RPRD2: variants seen among roughly 807,000 people sequenced by gnomAD.
RPRD2 encodes the protein regulation of nuclear pre-mRNA domain containing 2.
In RPRD2, 12 loss-of-function variants were observed where a neutral mutation model predicts 104.4. The observed-to-expected ratio is 0.11, with a 90% CI of 0.07 to 0.19. RPRD2 has a LOEUF of 0.19. Ranked by LOEUF, RPRD2 falls within the 10% of genes least tolerant of loss-of-function variation. The pLI, the probability that RPRD2 is intolerant of heterozygous loss-of-function variation, is 1.00. For missense variants in RPRD2, 1,543 were observed against 1,790.1 expected, an observed-to-expected ratio of 0.86 and a Z score of 2.49; for synonymous variants, 714 against 684.9, an observed-to-expected ratio of 1.04 and a Z score of -0.66.
rs182042526 is a variant in RPRD2, at chr1:150,364,581, T to C, written c.-134T>C. ...CGTACCTCCAGAAGAGCCCAGCGCG[T>C]GCACCATCCCCACCCCCTAGCTTCC... On this transcript the variant is annotated 5_prime_UTR_variant, in exon 1 of 11. Coordinates refer to ENST00000369068, the MANE Select transcript of RPRD2 (RefSeq NM_015203.5). The C allele has an allele frequency of 3.3e-6, 2 of 603,062 alleles. No homozygotes were observed. The highest frequency in any genetic ancestry group is 3.7e-5 in the African/African-American group (2 of 53,452). 37.4% of individuals were successfully genotyped at this position (603,062 alleles called of 1,614,324 possible).
At chr1:150,447,583 C>T (rs587683892) in intron 7 of RPRD2, among the ~76,000 whole-genome samples, 2 of 152,230 alleles carry the variant, frequency 1.3e-5, no homozygotes, top group African/African-American at 4.8e-5. Flanking sequence ...ATCCGCCCAC[C>T]TCGGCCTCCC....
chr1:150,445,999 C>T (rs1017965028), intron 6 of RPRD2, among the ~76,000 whole-genome samples: 2 of 148,202 alleles, frequency 1.3e-5, no homozygotes, highest in African/African-American at 2.5e-5. Flanking sequence ...ACCCGGGAAG[C>T]GGAGCTTGCA....
Position 150,470,694 on chromosome 1 carries a change from C to G in RPRD2, c.1746C>G (p.Ala582=). The change falls in exon 11 of 11, where the codon GCC becomes GCG. Residue 582 remains alanine, a synonymous_variant. Coordinates refer to ENST00000369068, the MANE Select transcript of RPRD2 (RefSeq NM_015203.5). ...AGGGAAGAAATCTGCCCTCCAGTGC[C>G]CAACCTTTTATTCCCAAAAGCTTCA... ...TIKGRNLPSS[A]QPFIPKSFNY... 6.2e-7 allele frequency: 1 copy of G among 1,614,056 alleles called. No homozygotes were observed. Among genetic ancestry groups the G allele is most frequent in the East Asian group, 2.2e-5 (1 of 44,888 alleles).
chr1:150,365,751 G>A (rs587713328), intron 1 of RPRD2, among the ~76,000 whole-genome samples: 1 of 152,030 alleles, frequency 6.6e-6, no homozygotes, highest in South Asian at 2.1e-4. Context: ...CACCATGTCC[G>A]GCTAATTATT....
chr1:150,434,058 A>C (rs1190608019), intron 2 of RPRD2, among the ~76,000 whole-genome samples: 11 of 152,158 alleles, frequency 7.2e-5, no homozygotes, highest in Non-Finnish European at 1.5e-4. Context: ...TAGCAGTAAA[A>C]TACATGAAAT....
At chr1:150,447,018 T>G (rs1249002404) in intron 7 of RPRD2, among the ~76,000 whole-genome samples, 1 of 151,940 alleles carries the variant, frequency 6.6e-6, no homozygotes, top group Non-Finnish European at 1.5e-5. Flanking sequence ...GTATTTTTAG[T>G]AGAGACGAGG....
intron 1 of RPRD2, among the ~76,000 whole-genome samples, chr1:150,402,982 C>A (rs834239): frequency 0.6 from 89,548 of 150,094 alleles, 27,185 homozygotes; most frequent in African/African-American, 0.65. Flanking sequence ...AAAACAAAAA[C>A]AAAAAAGATC....
intron 4 of RPRD2, 104 bp downstream of exon 4, chr1:150,442,062 C>A: frequency 1.2e-6 from 1 of 836,280 alleles, no homozygotes. Context: ...ATGGGCAAGC[C>A]TGTTTTCCAG....
In RPRD2 at chr1:150,470,541, T is replaced by C. The variant is rs777805633; in HGVS notation, c.1613-20T>C. ...ATAGGGAGTTGTTCTTTTTAACCCCTCTAATCTTTGTTTCTACAGGCCTGT... is the reference window on the plus strand; with the variant it reads ...ATAGGGAGTTGTTCTTTTTAACCCCCCTAATCTTTGTTTCTACAGGCCTGT... On this transcript the variant is annotated intron_variant, in intron 10 of 10. Transcript: ENST00000369068. 1.2e-6 allele frequency: 2 copies of C among 1,607,116 alleles called. No homozygotes were observed. The highest frequency in any genetic ancestry group is 1.7e-6 in the Non-Finnish European group (2 of 1,176,330).
At chr1:150,411,818 GAAAC>G (rs1431670696) in intron 1 of RPRD2, among the ~76,000 whole-genome samples, 10 of 106,490 alleles carry the variant, frequency 9.4e-5, no homozygotes, top group Non-Finnish European at 5.5e-5. Context: ...AAAAAAAAAC[GAAAC>G]AAACAAAAGA....
At chr1:150,469,491 G>A (rs777545989) in intron 10 of RPRD2, among the ~76,000 whole-genome samples, 1 of 152,006 alleles carries the variant, frequency 6.6e-6, no homozygotes, top group Non-Finnish European at 1.5e-5. Context: ...TTCCCAGGCT[G>A]GTCTCAAACT....
intron 9 of RPRD2, among the ~76,000 whole-genome samples, chr1:150,463,400 TTA>T (rs1668068643): frequency 6.6e-6 from 1 of 152,178 alleles, no homozygotes; most frequent in South Asian, 2.1e-4. Context: ...AAGTGCTATT[TTA>T]TATGACTAAT....
chr1:150,417,555 T>A, intron 1 of RPRD2, 41 bp from the exon 2 acceptor site: 1 of 1,447,258 alleles, frequency 6.9e-7, no homozygotes, highest in Non-Finnish European at 9.2e-7. Flanking sequence ...AAGTGCAAAT[T>A]GACTCATTTG....
chr1:150,370,560 C>T (rs963344920), intron 1 of RPRD2, among the ~76,000 whole-genome samples: 74 of 142,928 alleles, frequency 5.2e-4, no homozygotes, highest in Admixed American at 3.0e-3. Flanking sequence ...GTGTTAATGA[C>T]ATCCATTTTG....
At chr1:150,439,211 A>G (rs1666238294) in intron 2 of RPRD2, among the ~76,000 whole-genome samples, 1 of 152,194 alleles carries the variant, frequency 6.6e-6, no homozygotes, top group Non-Finnish European at 1.5e-5. Context: ...ATGGAGATTT[A>G]CAAGATAACA....
At chr1:150,428,190 G>A (rs1204686505) in intron 2 of RPRD2, among the ~76,000 whole-genome samples, 4 of 152,060 alleles carry the variant, frequency 2.6e-5, no homozygotes, top group East Asian at 1.9e-4. Flanking sequence ...CTCGCCGGGC[G>A]TGGTGGCTCC....
intron 1 of RPRD2, among the ~76,000 whole-genome samples, chr1:150,372,165 GTAGA>G (rs1254238934): frequency 1.3e-5 from 2 of 152,128 alleles, no homozygotes; most frequent in African/African-American, 4.8e-5. Context: ...ATACAGGTGG[GTAGA>G]TACAGACCCT....
chr1:150,391,964 G>C (rs782373454), intron 1 of RPRD2, among the ~76,000 whole-genome samples: 4 of 151,960 alleles, frequency 2.6e-5, no homozygotes, highest in Non-Finnish European at 4.4e-5. Flanking sequence ...TGTAGTTCAA[G>C]AAGAGAGTGG....
intron 8 of RPRD2, among the ~76,000 whole-genome samples, 165 bp downstream of exon 8, chr1:150,457,735 A>G (rs1303384275): frequency 6.6e-6 from 1 of 152,200 alleles, no homozygotes; most frequent in African/African-American, 2.4e-5. Context: ...TTGATATGCC[A>G]AATGTGTTAA....
Sources: allele counts gnomAD v4.1 joint callset (sites outside exome capture counted in the v4.1 genomes callset), GRCh38; gene constraint gnomAD v4.1.1; transcripts MANE v1.5; gene names NCBI Gene and HGNC (gene_info 2026-07-23, HGNC 2026-07-21).